Variants in DPP6 observed in about 807,000 individuals in gnomAD.
DPP6 encodes the protein dipeptidyl peptidase like 6.
DPP6 carries 69 observed loss-of-function variants against 122.6 expected under a neutral mutation model. The ratio of observed to expected loss-of-function variants is 0.56; its 90% confidence interval spans 0.46 to 0.69. The LOEUF is 0.69. Ranked by LOEUF, DPP6 falls within the 30% of genes least tolerant of loss-of-function variation. The probability of loss-of-function intolerance (pLI) is 0.00; values close to 1 mark genes in which losing one functional copy is unlikely to be tolerated. For synonymous variants in DPP6, 418 were observed against 433.1 expected, an observed-to-expected ratio of 0.97 and a Z score of 0.43; for missense variants, 928 against 1,116.9, an observed-to-expected ratio of 0.83 and a Z score of 2.41.
chr7:154,576,121 C>A (rs966129311), intron 5 of DPP6, among the ~76,000 whole-genome samples: 6 of 152,024 alleles, frequency 3.9e-5, no homozygotes, highest in Non-Finnish European at 8.8e-5. Context: ...CCTACCATCA[C>A]CCCACACAGG....
At chr7:154,783,590 C>T (rs904423603) in intron 10 of DPP6, among the ~76,000 whole-genome samples, 2 of 152,224 alleles carry the variant, frequency 1.3e-5, no homozygotes, top group Non-Finnish European at 2.9e-5. Context: ...CCAACCTGTT[C>T]TCATGACTGT....
intron 5 of DPP6, among the ~76,000 whole-genome samples, chr7:154,576,172 C>T (rs1831656348): frequency 6.6e-6 from 1 of 152,080 alleles, no homozygotes; most frequent in Non-Finnish European, 1.5e-5. Flanking sequence ...CTCTCTACTT[C>T]CCCGTGCCCC....
At chr7:154,204,527 C>T (rs7793376) in intron 1 of DPP6, among the ~76,000 whole-genome samples, 1,705 of 152,298 alleles carry the variant, frequency 0.011, 45 homozygotes, top group African/African-American at 0.039. Context: ...CCATTATCAT[C>T]ATCGGCCTCC....
intron 1 of DPP6, among the ~76,000 whole-genome samples, chr7:154,071,599 A>G (rs1364860941): frequency 6.6e-6 from 1 of 151,090 alleles, no homozygotes; most frequent in East Asian, 1.9e-4. Context: ...AGTTGTACCC[A>G]TGACCCAGCT....
chr7:154,314,433 T>G (rs1363151230), intron 1 of DPP6, among the ~76,000 whole-genome samples: 2 of 152,226 alleles, frequency 1.3e-5, no homozygotes, highest in Non-Finnish European at 2.9e-5. Context: ...TACAAAATCA[T>G]AGAATGTTTG....
chr7:153,839,431 G>A, the DPP6 span, among the ~76,000 whole-genome samples: 1 of 152,210 alleles, frequency 6.6e-6, no homozygotes, highest in African/African-American at 2.4e-5. Flanking sequence ...GGTGAGGAAT[G>A]CAGAATGTTG....
chr7:154,321,004 GCTT>G (rs1345146660), intron 1 of DPP6, among the ~76,000 whole-genome samples: 1 of 152,132 alleles, frequency 6.6e-6, no homozygotes, highest in African/African-American at 2.4e-5. Flanking sequence ...ATATTTAACA[GCTT>G]CTTTGTGCTC....
At chr7:154,685,623 A>T (rs1334461564) in intron 7 of DPP6, among the ~76,000 whole-genome samples, 1 of 152,196 alleles carries the variant, frequency 6.6e-6, no homozygotes, top group Non-Finnish European at 1.5e-5. Flanking sequence ...CTTAGATTAT[A>T]TTTTTAATCA....
At chr7:154,292,054 G>T (rs960980111) in intron 1 of DPP6, among the ~76,000 whole-genome samples, 1 of 152,100 alleles carries the variant, frequency 6.6e-6, no homozygotes, top group Admixed American at 6.5e-5. Context: ...TCTGAACTAT[G>T]TTCCTGGATC....
chr7:154,518,096 G>A (rs575902749), intron 3 of DPP6, among the ~76,000 whole-genome samples: 1 of 152,276 alleles, frequency 6.6e-6, no homozygotes, highest in African/African-American at 2.4e-5. Context: ...TAAAAACAAT[G>A]TCTTGTACCG....
rs1797262734 is a variant in DPP6 at position 154,166,597 on chromosome 7, G to A, written c.243+113534G>A. On this transcript the variant is annotated intron_variant, in intron 1 of 25. Transcript: ENST00000377770. ...CAGAAGCCAAAACCCCAGTGTGGGA[G>A]CACAGTATGTACGTTTAGAAAAGTT... Among the ~76,000 whole-genome samples, 5 of 148,694 alleles carry A rather than the reference G, an allele frequency of 3.4e-5. No individual in the cohort carries two copies. The South Asian group carries it at 8.4e-4, about 25-fold the overall frequency.
chr7:154,404,602 G>A (rs896946443), intron 1 of DPP6, among the ~76,000 whole-genome samples: 5 of 152,194 alleles, frequency 3.3e-5, no homozygotes, highest in Admixed American at 2.0e-4. Context: ...TGACCAGGTC[G>A]ACCAGAAACA....
intron 7 of DPP6, among the ~76,000 whole-genome samples, chr7:154,689,990 G>A (rs112490615): frequency 0.016 from 2,414 of 152,178 alleles, 71 homozygotes; most frequent in African/African-American, 0.054. Flanking sequence ...TACATCTTTC[G>A]CATGTCAAGT....
At chr7:154,438,053 A>T (rs1435331796) in intron 1 of DPP6, among the ~76,000 whole-genome samples, 1 of 152,236 alleles carries the variant, frequency 6.6e-6, no homozygotes, top group African/African-American at 2.4e-5. Flanking sequence ...ACACAGGAGC[A>T]TACCCCTCAG....
the DPP6 span, among the ~76,000 whole-genome samples, chr7:153,767,094 C>T: frequency 7.0e-6 from 1 of 143,060 alleles, no homozygotes; most frequent in African/African-American, 2.6e-5. Flanking sequence ...ATAACATTTA[C>T]TAGCTAGAAA....
intron 2 of DPP6, among the ~76,000 whole-genome samples, chr7:154,471,455 C>G (rs1329267478): frequency 6.6e-6 from 1 of 152,050 alleles, no homozygotes; most frequent in Non-Finnish European, 1.5e-5. Context: ...GGTTGGTTTT[C>G]ATGAGAGACC....
At chr7:154,452,907 T>C (rs1328316504) in intron 2 of DPP6, among the ~76,000 whole-genome samples, 1 of 152,274 alleles carries the variant, frequency 6.6e-6, no homozygotes, top group Non-Finnish European at 1.5e-5. Flanking sequence ...AGTGAGAATA[T>C]GTCCCTTTCA....
intron 1 of DPP6, among the ~76,000 whole-genome samples, chr7:154,345,723 G>T (rs1280812528): frequency 3.9e-5 from 6 of 152,082 alleles, no homozygotes; most frequent in Admixed American, 3.9e-4. Context: ...TCTGCCATAT[G>T]CATCCATAAA....
intron 16 of DPP6, among the ~76,000 whole-genome samples, chr7:154,820,942 G>A (rs1168944922): frequency 1.3e-5 from 2 of 152,148 alleles, no homozygotes; most frequent in Non-Finnish European, 2.9e-5. Flanking sequence ...GGGCTCAGTG[G>A]CTCATACCTG....
Sources: gnomAD v4.1 joint callset for allele counts (sites outside exome capture counted in the v4.1 genomes callset) on GRCh38, gnomAD v4.1.1 for gene constraint, MANE v1.5 for transcripts, NCBI Gene and HGNC (gene_info 2026-07-23, HGNC 2026-07-21) for gene names.